XYLB: variants seen among roughly 807,000 people sequenced by gnomAD.
The protein encoded by XYLB is xylulose kinase.
Under a neutral mutation model 78.7 loss-of-function variants are expected in XYLB, and 62 were observed. That is an observed-to-expected ratio of 0.79 (90% CI 0.64 to 0.97). The LOEUF (loss-of-function observed/expected upper bound fraction) is 0.97, where lower values mean the gene tolerates loss of function less well. Ranked by LOEUF, XYLB falls within the 50% of genes least tolerant of loss-of-function variation. XYLB has a pLI of 0.00. For synonymous variants in XYLB, 245 were observed against 247.4 expected, an observed-to-expected ratio of 0.99 and a Z score of 0.09; for missense variants, 687 against 676.8, an observed-to-expected ratio of 1.02 and a Z score of -0.17.
At chr3:38,398,114 G>A (rs922839859) in intron 17 of XYLB, among the ~76,000 whole-genome samples, 4 of 149,500 alleles carry the variant, frequency 2.7e-5, no homozygotes, top group Non-Finnish European at 5.9e-5. Flanking sequence ...CACCGCACCC[G>A]GCCTAAGCTT....
At chr3:38,397,206 T>C (rs1339165484) in intron 17 of XYLB, 47 bp downstream of exon 17, 2 of 1,582,252 alleles carry the variant, frequency 1.3e-6, no homozygotes, top group East Asian at 4.5e-5. Context: ...GGCCAGGACA[T>C]GGGGTGGGCT....
chr3:38,372,108 A>G (rs1706597764), intron 9 of XYLB, among the ~76,000 whole-genome samples: 1 of 152,050 alleles, frequency 6.6e-6, no homozygotes, highest in African/African-American at 2.4e-5. Context: ...ACCACTCAAG[A>G]CCCATGTTTT....
chr3:38,433,370 C>T, the XYLB span, among the ~76,000 whole-genome samples: 4 of 152,196 alleles, frequency 2.6e-5, no homozygotes, highest in African/African-American at 9.7e-5. Flanking sequence ...AACATTTTCC[C>T]CATTGTCTTG....
At chr3:38,408,332 C>T (rs1349228954) in intron 18 of XYLB, among the ~76,000 whole-genome samples, 1 of 151,818 alleles carries the variant, frequency 6.6e-6, no homozygotes, top group East Asian at 1.9e-4. Flanking sequence ...TTCTTTGAAA[C>T]CAACAAGAAC....
chr3:38,347,311 G>T (rs1356431678), intron 1 of XYLB, among the ~76,000 whole-genome samples: 1 of 152,250 alleles, frequency 6.6e-6, no homozygotes, highest in East Asian at 1.9e-4. Context: ...CAGGGGAACA[G>T]ACAGGCGGGT....
chr3:38,421,843 C>T (rs572714196), downstream of XYLB, among the ~76,000 whole-genome samples: 80 of 152,252 alleles, frequency 5.3e-4, no homozygotes, highest in African/African-American at 1.8e-3. Context: ...GTGGCCTGAC[C>T]CTCCGAATCT....
chr3:38,425,758 A>G (rs73063271), downstream of XYLB, among the ~76,000 whole-genome samples: 4,597 of 152,306 alleles, frequency 0.03, 114 homozygotes, highest in Middle Eastern at 0.048. Context: ...GCTGAGGAAG[A>G]GATTTTGGGA....
intron 2 of XYLB, among the ~76,000 whole-genome samples, chr3:38,357,918 T>TTA (rs1705751488): frequency 6.6e-6 from 1 of 151,724 alleles, no homozygotes; most frequent in African/African-American, 2.4e-5. Flanking sequence ...AAGTTTTTTT[T>TTA]AATGTATATT....
intron 7 of XYLB, among the ~76,000 whole-genome samples, chr3:38,367,767 T>G (rs1053291022): frequency 2.6e-5 from 4 of 152,208 alleles, no homozygotes; most frequent in African/African-American, 9.6e-5. Flanking sequence ...CCTGACGCCC[T>G]GAGAGTGTCC....
At chr3:38,432,155 T>G in the XYLB span, among the ~76,000 whole-genome samples, 1 of 152,144 alleles carries the variant, frequency 6.6e-6, no homozygotes, top group African/African-American at 2.4e-5. Flanking sequence ...ACAATCATTC[T>G]CTTCCAGCAG....
At position 38,413,011 on chromosome 3, in the gene XYLB, TG is replaced by T; in HGVS notation, c.1610del (p.Ter537=). ...ILSQTRGPPE[*>X] Reference sequence around the variant, plus strand: ...GTCTCAGACCCGGGGGCCTCCGGAGTGAACAGGCATCCCTGTTGCCCCTGCC... The same window carrying T: ...GTCTCAGACCCGGGGGCCTCCGGAGTAACAGGCATCCCTGTTGCCCCTGCC... On this transcript the variant is annotated frameshift_variant and stop_lost, in exon 19 of 19. Transcript: ENST00000207870. LOFTEE classifies it high-confidence loss of function. 6.3e-7 allele frequency: 1 copy of T among 1,595,492 alleles called. No homozygotes were observed. Among genetic ancestry groups the T allele is most frequent in the South Asian group, 1.1e-5 (1 of 87,276 alleles).
At chr3:38,399,826 A>T (rs77183664) in intron 17 of XYLB, among the ~76,000 whole-genome samples, 2,394 of 152,250 alleles carry the variant, frequency 0.016, 57 homozygotes, top group African/African-American at 0.053. Flanking sequence ...CCCTACCCAG[A>T]GGGATACTAA....
At chr3:38,381,281 C>T (rs1359328377) in intron 15 of XYLB, among the ~76,000 whole-genome samples, 1 of 152,184 alleles carries the variant, frequency 6.6e-6, no homozygotes, top group Non-Finnish European at 1.5e-5. Flanking sequence ...ATCACTTCCC[C>T]AATCAATACC....
In XYLB at chr3:38,400,900, G is replaced by A; in HGVS notation, c.1448G>A (p.Gly483Asp). ...SAYRAFHGLA[G>D]GTDVPFSEVV... ...GACCTTTCCCTTCTAGGTCTTGCAG[G>A]TGGAACAGATGTGCCCTTTTCAGAG... Residue 483 changes from glycine (G) to aspartate (D), a missense_variant, in exon 18 of 19, where the codon GGT becomes GAT. Transcript: ENST00000207870. 6.2e-7 allele frequency: 1 copy of A among 1,614,008 alleles called. No individual in the cohort carries two copies. Among genetic ancestry groups the A allele is most frequent in the Non-Finnish European group, 8.5e-7 (1 of 1,179,990 alleles).
intron 10 of XYLB, among the ~76,000 whole-genome samples, chr3:38,373,987 C>T (rs112844822): frequency 0.023 from 3,484 of 151,840 alleles, 65 homozygotes; most frequent in Non-Finnish European, 0.035. Context: ...CACTGCACTC[C>T]AGCCTGGGTG....
chr3:38,377,553 T>A (rs1706928910), intron 14 of XYLB, among the ~76,000 whole-genome samples: 1 of 151,622 alleles, frequency 6.6e-6, no homozygotes, highest in South Asian at 2.1e-4. Flanking sequence ...GTTCAAACGA[T>A]CCTCCTGCCT....
the XYLB span, among the ~76,000 whole-genome samples, chr3:38,450,528 A>G: frequency 1.3e-5 from 2 of 152,254 alleles, no homozygotes; most frequent in Non-Finnish European, 2.9e-5. Context: ...ATTCACTGCC[A>G]TAAATTCTAC....
chr3:38,370,295 AC>A, intron 9 of XYLB, 121 bp downstream of exon 9: 1 of 706,240 alleles, frequency 1.4e-6, no homozygotes, highest in Non-Finnish European at 2.4e-6. Context: ...TTGTTCACTC[AC>A]CCACAGGCAT....
the XYLB span, among the ~76,000 whole-genome samples, chr3:38,443,287 A>G: frequency 1.8e-4 from 27 of 152,246 alleles, no homozygotes; most frequent in East Asian, 3.7e-3. Flanking sequence ...TGCTTGTTCC[A>G]GGCACCCTCA....
Sources: allele counts gnomAD v4.1 joint callset (sites outside exome capture counted in the v4.1 genomes callset), GRCh38; gene constraint gnomAD v4.1.1; transcripts MANE v1.5; gene names NCBI Gene and HGNC (gene_info 2026-07-23, HGNC 2026-07-21).